The following LRFN2 variants were observed in gnomAD, a reference collection of about 807,000 sequenced individuals.
LRFN2 encodes the protein leucine-rich repeat and fibronectin type-III domain-containing protein 2.
In LRFN2, 18 loss-of-function variants were observed where a neutral mutation model predicts 37.3. That is an observed-to-expected ratio of 0.48 (90% CI 0.33 to 0.72). The LOEUF is 0.72. LRFN2 is among the 30% of genes least tolerant of loss of function. The pLI is 0.02. For missense variants in LRFN2, 1,006 were observed against 1,060.7 expected, an observed-to-expected ratio of 0.95 and a Z score of 0.72; for synonymous variants, 556 against 466.6, an observed-to-expected ratio of 1.19 and a Z score of -2.47.
intron 1 of LRFN2, among the ~76,000 whole-genome samples, chr6:40,539,280 C>T (rs891683162): frequency 6.6e-6 from 1 of 152,214 alleles, no homozygotes; most frequent in Non-Finnish European, 1.5e-5. Context: ...TCACTGACCC[C>T]CATCTTGTCA....
chr6:40,567,249 T>C (rs1307992466), intron 1 of LRFN2, among the ~76,000 whole-genome samples: 4 of 152,156 alleles, frequency 2.6e-5, no homozygotes, highest in African/African-American at 9.7e-5. Flanking sequence ...AAGGTCCTCT[T>C]CCCTGGATTC....
intron 1 of LRFN2, among the ~76,000 whole-genome samples, chr6:40,546,802 A>G (rs1361183721): frequency 6.6e-6 from 1 of 152,212 alleles, no homozygotes; most frequent in East Asian, 1.9e-4. Flanking sequence ...TGAGACACAG[A>G]AAGGTATAAT....
chr6:40,515,504 T>C, intron 1 of LRFN2, among the ~76,000 whole-genome samples: 1 of 152,160 alleles, frequency 6.6e-6, no homozygotes, highest in East Asian at 1.9e-4. Flanking sequence ...ACCTACATCC[T>C]TCACCTGAGG....
chr6:40,432,499 G>A lies in LRFN2; in HGVS notation c.615C>T (p.Thr205=), dbSNP rs1763527703. 6.2e-7 allele frequency: 1 copy of A among 1,614,136 alleles called. No individual in the cohort carries two copies. Among genetic ancestry groups the A allele is most frequent in the South Asian group, 1.1e-5 (1 of 91,086 alleles). ...GGGGCAGCTTCTGCAGCCGATTGGA[G>A]GTGAGATCCAGGCGGGCCAGTTTCT... The part of the protein sequence containing the change: ...DLQKLARLDL[T]SNRLQKLPPD... The change falls in exon 2 of 3, where the codon ACC becomes ACT. Residue 205 remains threonine (T), a synonymous_variant. Coordinates refer to ENST00000338305, the MANE Select transcript of LRFN2 (RefSeq NM_020737.3).
rs1403200489 is a variant in LRFN2, at chr6:40,392,332, C to T, written c.1981G>A (p.Ala661Thr). 3.1e-6 allele frequency: 5 copies of T among 1,610,478 alleles called. No individual in the cohort carries two copies. The highest frequency in any genetic ancestry group is 2.2e-5 in the East Asian group (1 of 44,802). ...PSLDRLMGAF[A>T]SLDLKSQRKE... is the part of the protein sequence containing the mutation. ...CTCTGACTCTTGAGGTCCAGGGAGG[C>T]GAAGGCCCCCATCAGGCGGTCAAGG... Residue 661 changes from alanine (A) to threonine (T), a missense_variant, in exon 3 of 3, where the codon GCC becomes ACC. Around this residue, in one of 4 missense-constraint regions of LRFN2, gnomAD observed 398 missense variants for 327.6 expected, o/e 1.21. Coordinates refer to ENST00000338305, the MANE Select transcript of LRFN2 (RefSeq NM_020737.3). The surrounding 1 kb of genome is among the most constrained non-coding windows in gnomAD (Gnocchi z 4.7).
chr6:40,455,531 C>A (rs1160319640), intron 1 of LRFN2, among the ~76,000 whole-genome samples: 1 of 152,162 alleles, frequency 6.6e-6, no homozygotes, highest in Non-Finnish European at 1.5e-5. Context: ...TGGAAATATC[C>A]TAAAATGGAG....
In LRFN2 at chr6:40,455,286, A is replaced by G. The variant is rs147467605; in HGVS notation, c.-18-22155T>C. Among the ~76,000 whole-genome samples the G allele has an allele frequency of 1.1e-3, 162 of 152,238 alleles. 2 individuals are homozygous for G. Among genetic ancestry groups the G allele is most frequent in the African/African-American group, 3.7e-3 (153 of 41,530 alleles). ...AGACTACTTTGCACCACTCTACCAA[A>G]CACATCATGATCTCATGGCCTCACC... On this transcript the variant is annotated intron_variant, in intron 1 of 2. Transcript: ENST00000338305.
Position 40,432,540 on chromosome 6 carries a change from T to A in LRFN2, c.574A>T (p.Thr192Ser). 1 of 1,614,202 alleles carries A rather than the reference T, an allele frequency of 6.2e-7. No homozygotes were observed. The highest frequency in any genetic ancestry group is 2.2e-5 in the East Asian group (1 of 44,882). Residue 192 changes from threonine (T) to serine (S), a missense_variant, in exon 2 of 3, where the codon ACC (threonine) becomes TCC (serine). Physicochemically the swap from Thr to Ser is moderately conservative, Grantham distance 58. Coordinates refer to ENST00000338305, the MANE Select transcript of LRFN2 (RefSeq NM_020737.3). Reference protein sequence around the residue: ...HNLLDHIAEGTFADLQKLARL... With the variant: ...HNLLDHIAEGSFADLQKLARL... ...GCCAGTTTCTGCAGGTCTGCAAAGG[T>A]GCCCTCGGCGATGTGATCCAGCAGG...
chr6:40,553,715 A>G (rs765303422), intron 1 of LRFN2, among the ~76,000 whole-genome samples: 2 of 152,254 alleles, frequency 1.3e-5, no homozygotes, highest in Non-Finnish European at 2.9e-5. Flanking sequence ...AGATTTAATT[A>G]CATTATAAAG....
chr6:40,399,433 T>C (rs1161040552), intron 2 of LRFN2, among the ~76,000 whole-genome samples: 7 of 117,734 alleles, frequency 5.9e-5, no homozygotes, highest in African/African-American at 1.4e-4. Context: ...TTTCTTTTTT[T>C]TTTTCTTTTT....
intron 1 of LRFN2, among the ~76,000 whole-genome samples, chr6:40,574,557 A>C (rs922168649): frequency 1.3e-5 from 2 of 152,220 alleles, no homozygotes; most frequent in Admixed American, 1.3e-4. Context: ...TTCTGAGCCC[A>C]CAGGAAAAAG....
intron 1 of LRFN2, among the ~76,000 whole-genome samples, chr6:40,435,042 TATATATATATAGAGAG>T (rs1224310611): frequency 5.9e-4 from 54 of 91,986 alleles, no homozygotes; most frequent in African/African-American, 2.2e-3. Context: ...TATATATATA[TATATATATATAGAGAG>T]AGAGAGAGAG....
intron 1 of LRFN2, among the ~76,000 whole-genome samples, chr6:40,568,427 G>C (rs1767128624): frequency 6.6e-6 from 1 of 152,184 alleles, no homozygotes; most frequent in Non-Finnish European, 1.5e-5. Context: ...CGGTTCTCAG[G>C]TTTTATCAAC....
chr6:40,563,756 A>T (rs1767041671), intron 1 of LRFN2, among the ~76,000 whole-genome samples: 2 of 152,156 alleles, frequency 1.3e-5, no homozygotes, highest in Non-Finnish European at 2.9e-5. Context: ...CAGATGTGGA[A>T]GTAGCTTCAG....
At chr6:40,486,548 G>T (rs1764963255) in intron 1 of LRFN2, among the ~76,000 whole-genome samples, 1 of 152,154 alleles carries the variant, frequency 6.6e-6, no homozygotes, top group Admixed American at 6.5e-5. Context: ...GGTAAGGAAT[G>T]GGTAGAGGGT....
intron 2 of LRFN2, among the ~76,000 whole-genome samples, chr6:40,415,091 G>A (rs549383294): frequency 3.3e-5 from 5 of 152,306 alleles, no homozygotes; most frequent in African/African-American, 9.6e-5. Flanking sequence ...ACACATCTGA[G>A]GCAAGGGACC....
chr6:40,411,475 G>A (rs1157979551), intron 2 of LRFN2, among the ~76,000 whole-genome samples: 1 of 152,228 alleles, frequency 6.6e-6, no homozygotes, highest in Non-Finnish European at 1.5e-5. Context: ...CTGTGAACAT[G>A]CACAGGTCGG....
Position 40,392,111 on chromosome 6 carries a change from C to G in LRFN2, c.2202G>C (p.Ala734=). 6.2e-7 allele frequency: 1 copy of G among 1,613,244 alleles called. No individual in the cohort carries two copies. The highest frequency in any genetic ancestry group is 8.5e-7 in the Non-Finnish European group (1 of 1,179,714). ...FDMGDFAAAA[A]GGVVPGGYSP... ...TGTAGCCGCCCGGCACGACCCCTCC[C>G]GCCGCCGCAGCAGCAAAGTCCCCCA... The change falls in exon 3 of 3, where the codon GCG becomes GCC. Residue 734 remains alanine (A), a synonymous_variant. Coordinates refer to ENST00000338305, the MANE Select transcript of LRFN2 (RefSeq NM_020737.3). The surrounding 1 kb of genome is among the most constrained non-coding windows in gnomAD (Gnocchi z 4.7).
chr6:40,433,079 C>A lies in LRFN2; in HGVS notation c.35G>T (p.Gly12Val). The A allele has an allele frequency of 2.0e-6, 3 of 1,531,300 alleles. No homozygotes were observed. Among genetic ancestry groups the A allele is most frequent in the Non-Finnish European group, 2.6e-6 (3 of 1,140,524 alleles). 94.9% of individuals were successfully genotyped at this position (1,531,300 alleles called of 1,614,324 possible). A position where few individuals can be genotyped will look rare whatever the true frequency, so the allele number is the denominator to read the frequency against. ...GGCGTCGACCACGGCAAACGCCATG[C>A]CAAACGCTAGCAGGCCACCAAGCAG... The part of the protein sequence containing the change: ...ETLLGGLLAF[G>V]MAFAVVDACP... The change falls in exon 2 of 3, where the codon GGC becomes GTC. Residue 12 changes from glycine (G) to valine (V), a missense_variant. This residue lies in a region of LRFN2 where 185 missense variants were observed against 254.9 expected (regional missense o/e 0.73). Coordinates refer to ENST00000338305, the MANE Select transcript of LRFN2 (RefSeq NM_020737.3).
Sources: gnomAD v4.1 joint callset for allele counts (sites outside exome capture counted in the v4.1 genomes callset) on GRCh38, gnomAD v4.1.1 for gene constraint, gnomAD v4.1.1 regional missense constraint, Gnocchi (gnomAD v3.1) non-coding constraint, MANE v1.5 for transcripts, NCBI Gene and HGNC (gene_info 2026-07-23, HGNC 2026-07-21) for gene names.